IL2RB: variants seen among roughly 807,000 people sequenced by gnomAD.
The protein encoded by IL2RB is interleukin 2 receptor subunit beta, also known as interleukin-2 receptor subunit beta.
A neutral mutation model predicts 44.2 loss-of-function variants in IL2RB; 17 were observed. That is an observed-to-expected ratio of 0.38 (90% CI 0.26 to 0.58). IL2RB has a LOEUF of 0.58. Ranked by LOEUF, IL2RB falls within the 20% of genes least tolerant of loss-of-function variation. The pLI, the probability that IL2RB is intolerant of heterozygous loss-of-function variation, is 0.63. For synonymous variants in IL2RB, 286 were observed against 297.9 expected, an observed-to-expected ratio of 0.96 and a Z score of 0.41; for missense variants, 624 against 685.5, an observed-to-expected ratio of 0.91 and a Z score of 1.00.
intron 1 of IL2RB, among the ~76,000 whole-genome samples, chr22:37,159,441 A>T (rs192808777): frequency 1.3e-5 from 2 of 152,248 alleles, no homozygotes; most frequent in African/African-American, 4.8e-5. Flanking sequence ...CGCTGAGAAC[A>T]GGGGACCCTG....
At chr22:37,154,599 C>T (rs555871892), upstream of IL2RB, among the ~76,000 whole-genome samples, 66 of 141,830 alleles carry the variant, frequency 4.7e-4, no homozygotes, top group Non-Finnish European at 8.3e-4. Flanking sequence ...GTTTTTTAGA[C>T]GGAATCTTGC....
chr22:37,168,961 A>C (rs1923170769), intron 1 of IL2RB, among the ~76,000 whole-genome samples: 2 of 149,422 alleles, frequency 1.3e-5, no homozygotes, highest in Admixed American at 1.3e-4. Context: ...TTGCTTACAG[A>C]GGGGTTCTCG....
At chr22:37,144,353 C>A in intron 1 of IL2RB, 148 bp from the exon 2 acceptor site, 1 of 920,302 alleles carries the variant, frequency 1.1e-6, no homozygotes, top group Non-Finnish European at 1.6e-6. Context: ...TTTGCACCTG[C>A]TAATCCCACC....
At chr22:37,150,737 C>T (rs1412274758), upstream of IL2RB, among the ~76,000 whole-genome samples, 1 of 152,070 alleles carries the variant, frequency 6.6e-6, no homozygotes, top group Non-Finnish European at 1.5e-5. Context: ...ACCCCCACTG[C>T]CCTTCCCATC....
At chr22:37,144,525 A>G (rs551257920) in intron 1 of IL2RB, among the ~76,000 whole-genome samples, 1 of 152,322 alleles carries the variant, frequency 6.6e-6, no homozygotes, top group Admixed American at 6.5e-5. Flanking sequence ...CAGACGAATC[A>G]CCTGAGGTCA....
intron 1 of IL2RB, among the ~76,000 whole-genome samples, chr22:37,156,223 A>G (rs756183943): frequency 6.6e-6 from 1 of 152,172 alleles, no homozygotes; most frequent in Non-Finnish European, 1.5e-5. Flanking sequence ...GCACCCTGCC[A>G]TCATTCTGAC....
At chr22:37,131,392 G>C (rs1921419320) in intron 9 of IL2RB, among the ~76,000 whole-genome samples, 1 of 152,104 alleles carries the variant, frequency 6.6e-6, no homozygotes, top group African/African-American at 2.4e-5. Flanking sequence ...GGAGCCTAGA[G>C]TGGGGCTAGG....
chr22:37,135,136 G>C (rs1213046917), intron 8 of IL2RB, among the ~76,000 whole-genome samples, 192 bp downstream of exon 8: 1 of 152,174 alleles, frequency 6.6e-6, no homozygotes, highest in Non-Finnish European at 1.5e-5. Context: ...GGACTCTTTG[G>C]AGGGTAGACG....
intron 1 of IL2RB, 25 bp from the exon 2 acceptor site, chr22:37,144,230 G>T (rs1221501372): frequency 1.3e-6 from 2 of 1,527,912 alleles, no homozygotes; most frequent in African/African-American, 2.8e-5. Flanking sequence ...GAAAGAGAGA[G>T]CACACGTAAA....
At chr22:37,129,869 C>A (rs1245646547) in intron 9 of IL2RB, among the ~76,000 whole-genome samples, 3 of 152,202 alleles carry the variant, frequency 2.0e-5, no homozygotes, top group Non-Finnish European at 4.4e-5. Flanking sequence ...GACTATGGCC[C>A]CCTAAGCACA....
chr22:37,156,797 C>T (rs185305307), intron 1 of IL2RB, among the ~76,000 whole-genome samples: 1 of 152,334 alleles, frequency 6.6e-6, no homozygotes, highest in East Asian at 1.9e-4. Flanking sequence ...CTGTCTCTGC[C>T]ACCGCCTGTC....
chr22:37,131,191 A>G (rs1041477108), intron 9 of IL2RB, among the ~76,000 whole-genome samples: 2 of 152,012 alleles, frequency 1.3e-5, no homozygotes, highest in Admixed American at 6.6e-5. Context: ...TAAATAAATA[A>G]ATAAAAGCAC....
chr22:37,137,746 C>G lies in IL2RB; in HGVS notation c.389-11G>C, dbSNP rs228957. ...GGGCCATCAGGCGAACTGGAGACAACAGGGGGTAGGGGAGAGCAGTCAGCC... is the reference window on the plus strand; with the variant it reads ...GGGCCATCAGGCGAACTGGAGACAAGAGGGGGTAGGGGAGAGCAGTCAGCC... On this transcript the variant is annotated splice_polypyrimidine_tract_variant and intron_variant, in intron 5 of 9. Coordinates refer to ENST00000216223, the MANE Select transcript of IL2RB (RefSeq NM_000878.5). 0.45 allele frequency: 722,080 copies of G among 1,604,108 alleles called. 165,109 individuals are homozygous for G. Among genetic ancestry groups the G allele is most frequent in the East Asian group, 0.63 (28,097 of 44,712 alleles).
At chr22:37,154,939 G>A (rs1482643861) in intron 1 of IL2RB, among the ~76,000 whole-genome samples, 6 of 152,144 alleles carry the variant, frequency 3.9e-5, no homozygotes, top group African/African-American at 1.4e-4. Flanking sequence ...GGGTAGAGGG[G>A]CTGGAGTCCC....
At chr22:37,145,972 C>G (rs562647370) in intron 1 of IL2RB, among the ~76,000 whole-genome samples, 1 of 152,298 alleles carries the variant, frequency 6.6e-6, no homozygotes, top group African/African-American at 2.4e-5. Flanking sequence ...CAAGCCTCCA[C>G]GTCCCTCCCG....
rs1369069554 is a variant in IL2RB, at chr22:37,126,448, C to T, written c.*1648G>A. 6.6e-6 allele frequency: 1 copy of T among 152,202 alleles called. No individual in the cohort carries two copies. The highest frequency in any genetic ancestry group is 1.9e-4 in the East Asian group (1 of 5,196). The allele number at this position is 152,202 out of a possible 1,614,324, so 9.4% of individuals were successfully genotyped here. A position where few individuals can be genotyped will look rare whatever the true frequency, so the allele number is the denominator to read the frequency against. ...TTGTCTACCTTTCCAAGGCTCAACG[C>T]TTGTGGAGCCTTGTCCACAAGCACC... On this transcript the variant is annotated 3_prime_UTR_variant, in exon 10 of 10. Coordinates refer to ENST00000216223, the MANE Select transcript of IL2RB (RefSeq NM_000878.5).
At chr22:37,143,881 A>G (rs1035167046) in intron 2 of IL2RB, among the ~76,000 whole-genome samples, 1 of 134,910 alleles carries the variant, frequency 7.4e-6, no homozygotes, top group African/African-American at 3.0e-5. Flanking sequence ...TGGCTTGGAG[A>G]GGCGTGTGTG....
At chr22:37,143,313 G>T (rs979852457) in intron 3 of IL2RB, among the ~76,000 whole-genome samples, 2 of 152,218 alleles carry the variant, frequency 1.3e-5, no homozygotes, top group Admixed American at 1.3e-4. Context: ...CTCCACCCAG[G>T]TTCTAGAAGT....
intron 5 of IL2RB, among the ~76,000 whole-genome samples, chr22:37,138,416 C>T (rs1921809314): frequency 6.6e-6 from 1 of 152,184 alleles, no homozygotes; most frequent in Non-Finnish European, 1.5e-5. Flanking sequence ...CAGAAAGTTT[C>T]GATGGTCTGC....
Sources: allele counts gnomAD v4.1 joint callset (sites outside exome capture counted in the v4.1 genomes callset), GRCh38; gene constraint gnomAD v4.1.1; transcripts MANE v1.5; gene names NCBI Gene and HGNC (gene_info 2026-07-23, HGNC 2026-07-21).